Variants in BOP1 observed in about 807,000 individuals in gnomAD.
The protein encoded by BOP1 is ribosome biogenesis protein BOP1.
A neutral mutation model predicts 82.9 loss-of-function variants in BOP1; 54 were observed. The observed-to-expected ratio is 0.65, with a 90% confidence interval of 0.52 to 0.82. BOP1 has a LOEUF of 0.82. Among genes scored for constraint, BOP1 ranks in the 40% least tolerant of loss-of-function variants. BOP1 has a pLI of 0.00. For missense variants in BOP1, 1,170 were observed against 1,072.0 expected (o/e 1.09, Z -1.28); for synonymous variants, 566 against 451.1 (o/e 1.25, Z -3.23).
chr8:144,271,413 G>A (rs1238027323), intron 3 of BOP1, among the ~76,000 whole-genome samples: 2 of 152,060 alleles, frequency 1.3e-5, no homozygotes, highest in African/African-American at 2.4e-5. Context: ...CCCCGGGAGC[G>A]TGGGGTCAGC....
chr8:144,276,107 C>A (rs1845564265), intron 3 of BOP1, 117 bp downstream of exon 3: 1 of 1,217,990 alleles, frequency 8.2e-7, no homozygotes, highest in Non-Finnish European at 1.2e-6. Context: ...AACAGTGCGG[C>A]CCACCTGCGG....
chr8:144,267,972 G>A, intron 3 of BOP1: 1 of 1,381,128 alleles, frequency 7.2e-7, no homozygotes, highest in African/African-American at 1.4e-5. Flanking sequence ...ACGCTTGAGG[G>A]AAGCTGGGGA....
At position 144,264,213 on chromosome 8, in the gene BOP1, A is replaced by T; in HGVS notation, c.978+12T>A. The T allele has an allele frequency of 6.2e-7, 1 of 1,607,294 alleles. No homozygotes were observed. Among genetic ancestry groups the T allele is most frequent in the Non-Finnish European group, 8.5e-7 (1 of 1,177,876 alleles). On this transcript the variant is annotated intron_variant, in intron 7 of 15. Coordinates refer to ENST00000569669, the MANE Select transcript of BOP1 (RefSeq NM_015201.5). ...TGGGGACAGGGTCCCGGCCCCCAGG[A>T]TGCAGGCCCACCTCCTCCTCGCTGA...
chr8:144,271,880 C>T (rs1845498076), intron 3 of BOP1, among the ~76,000 whole-genome samples: 1 of 152,200 alleles, frequency 6.6e-6, no homozygotes, highest in East Asian at 1.9e-4. Flanking sequence ...CTTCTCCCGG[C>T]ACCTCCACCA....
chr8:144,291,405 G>C lies in BOP1; in HGVS notation c.-35C>G. The stretch of plus-strand genomic sequence containing the variant: ...CGCGCCGGCCGCCACCCGCACAGCC[G>C]CTTCCGACAGCGACCGGGCCGCGTG... On this transcript the variant is annotated 5_prime_UTR_variant, in exon 1 of 16. Transcript: ENST00000569669. The surrounding 1 kb of genome is among the most constrained non-coding windows in gnomAD (Gnocchi z 4.1). 1 of 1,129,072 alleles carries C rather than the reference G, an allele frequency of 8.9e-7. No individual in the cohort carries two copies. Among genetic ancestry groups the C allele is most frequent in the Non-Finnish European group, 1.1e-6 (1 of 922,184 alleles). The allele number at this position is 1,129,072 out of a possible 1,614,324, so 69.9% of individuals were successfully genotyped here. A position where few individuals can be genotyped will look rare whatever the true frequency, so the allele number is the denominator to read the frequency against.
At chr8:144,283,201 C>CAAAAAAAAAAAAAAAAAAAAAAAA (rs60868806) in intron 2 of BOP1, among the ~76,000 whole-genome samples, 23 of 54,328 alleles carry the variant, frequency 4.2e-4, no homozygotes, top group African/African-American at 5.4e-4. Context: ...AACTCCATCT[C>CAAAAAAAAAAAAAAAAAAAAAAAA]AAAAAAAAAA....
intron 3 of BOP1, 35 bp from the exon 4 acceptor site, chr8:144,265,106 C>T: frequency 6.3e-7 from 1 of 1,593,668 alleles, no homozygotes. Flanking sequence ...GCATCTGATC[C>T]TACAAGGCCC....
At chr8:144,269,130 G>A (rs970649822) in intron 3 of BOP1, among the ~76,000 whole-genome samples, 7 of 152,180 alleles carry the variant, frequency 4.6e-5, no homozygotes, top group South Asian at 2.1e-4. Flanking sequence ...TGAAGACCCC[G>A]CCCACCACAG....
intron 3 of BOP1, among the ~76,000 whole-genome samples, chr8:144,271,470 T>C (rs995426255): frequency 2.0e-5 from 3 of 151,940 alleles, no homozygotes; most frequent in Non-Finnish European, 4.4e-5. Context: ...CCGATTACAA[T>C]GCGGGTAGTG....
intron 3 of BOP1, among the ~76,000 whole-genome samples, chr8:144,273,730 G>A (rs1355968697): frequency 2.0e-5 from 3 of 152,096 alleles, no homozygotes; most frequent in African/African-American, 2.4e-5. Flanking sequence ...AGCTCCAGGC[G>A]CGGTGGGAGA....
chr8:144,266,413 C>A (rs1379090693), intron 3 of BOP1: 1 of 760,224 alleles, frequency 1.3e-6, no homozygotes, highest in Non-Finnish European at 1.6e-6. Context: ...GGGGAGGGGC[C>A]GGGACGCCGC....
chr8:144,274,944 G>A (rs1010650556), intron 3 of BOP1, among the ~76,000 whole-genome samples: 3 of 152,230 alleles, frequency 2.0e-5, no homozygotes, highest in Admixed American at 6.5e-5. Flanking sequence ...CAGGGAGTGC[G>A]CGGCGTGGCC....
In BOP1 at chr8:144,264,429, G is replaced by T. The variant is rs1845308640; in HGVS notation, c.774C>A (p.Arg258=). The change falls in exon 7 of 16, where the codon CGC becomes CGA. Residue 258 remains arginine (R), a synonymous_variant. Transcript: ENST00000569669. ...AGCCCATCTTGATGGCGTGCACCAT[G>T]CGAGAGACCTGCATAGACAGCCGGG... The part of the protein sequence containing the change: ...PSLVEKEKVS[R]MVHAIKMGWI... The T allele has an allele frequency of 1.9e-6, 3 of 1,603,318 alleles. No individual in the cohort carries two copies. The highest frequency in any genetic ancestry group is 2.5e-6 in the Non-Finnish European group (3 of 1,179,700).
chr8:144,262,694 C>T (rs915513199), intron 13 of BOP1, 22 bp from the exon 14 acceptor site: 1 of 1,612,428 alleles, frequency 6.2e-7, no homozygotes, highest in Non-Finnish European at 8.5e-7. Flanking sequence ...GGCTGTGATG[C>T]AGGTGTTCCC....
intron 3 of BOP1, chr8:144,268,359 C>T: frequency 1.6e-6 from 1 of 621,378 alleles, no homozygotes; most frequent in Non-Finnish European, 2.8e-6. Flanking sequence ...CTGCCCGGGC[C>T]CACTGGAACT....
Position 144,262,071 on chromosome 8 carries a change from C to A in BOP1, c.*93G>T. On this transcript the variant is annotated 3_prime_UTR_variant, in exon 16 of 16. Coordinates refer to ENST00000569669, the MANE Select transcript of BOP1 (RefSeq NM_015201.5). ...GTGGTGGGGGCGGCTTTGTTGGCAA[C>A]CCCAATTCAAGAAGGTGGGAGCACC... The A allele has an allele frequency of 1.3e-6, 2 of 1,577,656 alleles. No homozygotes were observed. The highest frequency in any genetic ancestry group is 8.6e-7 in the Non-Finnish European group (1 of 1,158,034).
intron 2 of BOP1, among the ~76,000 whole-genome samples, chr8:144,278,366 C>T (rs1845607633): frequency 6.6e-6 from 1 of 152,210 alleles, no homozygotes; most frequent in African/African-American, 2.4e-5. Flanking sequence ...GAGAAACCCA[C>T]AGTGGGCTCA....
chr8:144,278,953 G>A (rs587763303), intron 2 of BOP1, among the ~76,000 whole-genome samples: 1 of 152,248 alleles, frequency 6.6e-6, no homozygotes, highest in African/African-American at 2.4e-5. Flanking sequence ...TTTACTCAGG[G>A]AAAAGGAAGG....
chr8:144,278,146 TGA>T (rs1217833253), intron 2 of BOP1, among the ~76,000 whole-genome samples: 1 of 151,902 alleles, frequency 6.6e-6, no homozygotes, highest in Non-Finnish European at 1.5e-5. Context: ...AAGTAAAAGC[TGA>T]GAGAGTGGGC....
Sources: gnomAD v4.1 joint callset for allele counts (sites outside exome capture counted in the v4.1 genomes callset) on GRCh38, gnomAD v4.1.1 for gene constraint, Gnocchi (gnomAD v3.1) non-coding constraint, MANE v1.5 for transcripts, NCBI Gene and HGNC (gene_info 2026-07-23, HGNC 2026-07-21) for gene names.